Variants in ST6GALNAC6 observed in about 807,000 individuals in gnomAD.
ST6GALNAC6 encodes alpha-N-acetylgalactosaminide alpha-2,6-sialyltransferase 6.
ST6GALNAC6 carries 19 observed loss-of-function variants against 34.3 expected under a neutral mutation model. The observed-to-expected ratio is 0.55, with a 90% CI of 0.39 to 0.81. The LOEUF (loss-of-function observed/expected upper bound fraction) is 0.81, where lower values mean the gene tolerates loss of function less well. ST6GALNAC6 is among the 40% of genes least tolerant of loss of function. The pLI, the probability that ST6GALNAC6 is intolerant of heterozygous loss-of-function variation, is 0.00. For synonymous variants in ST6GALNAC6, 185 were observed against 182.1 expected (o/e 1.02, Z -0.13); for missense variants, 377 against 467.7 (o/e 0.81, Z 1.79).
chr9:127,896,336 C>A lies in ST6GALNAC6; in HGVS notation c.27-4G>T. On this transcript the variant is annotated splice_region_variant and splice_polypyrimidine_tract_variant and intron_variant, in intron 2 of 6. Transcript: ENST00000373146. ...GGGCAGGGATGTGGGTTCACACCTGCAAGCCACCAGAAAGGGTTATTATGG... is the reference window on the plus strand; with the variant it reads ...GGGCAGGGATGTGGGTTCACACCTGAAAGCCACCAGAAAGGGTTATTATGG... 6.2e-7 allele frequency: 1 copy of A among 1,607,784 alleles called. No individual in the cohort carries two copies. The highest frequency in any genetic ancestry group is 8.5e-7 in the Non-Finnish European group (1 of 1,176,906).
In ST6GALNAC6 at chr9:127,896,312, G is replaced by A; in HGVS notation, c.47C>T (p.Pro16Leu). 1 of 1,613,478 alleles carries A rather than the reference G, an allele frequency of 6.2e-7. No homozygotes were observed. Among genetic ancestry groups the A allele is most frequent in the Non-Finnish European group, 8.5e-7 (1 of 1,179,664 alleles). Residue 16 changes from proline to leucine, a missense_variant, in exon 3 of 7, where the codon CCC (proline) becomes CTC (leucine). Coordinates refer to ENST00000373146, the MANE Select transcript of ST6GALNAC6 (RefSeq NM_013443.5). ...PPSQCEPTSL[P>L]PGPPAGRRHL... Reference sequence around the variant, plus strand: ...TCGGCGTCCTGCAGGTGGCCCTGGGGGCAGGGATGTGGGTTCACACCTGCA... The same window carrying A: ...TCGGCGTCCTGCAGGTGGCCCTGGGAGCAGGGATGTGGGTTCACACCTGCA...
chr9:127,886,336 C>G lies in ST6GALNAC6; in HGVS notation c.*263G>C. 1.0e-6 allele frequency: 1 copy of G among 983,626 alleles called. No individual in the cohort carries two copies. The highest frequency in any genetic ancestry group is 1.4e-6 in the Non-Finnish European group (1 of 709,598). The allele number at this position is 983,626 out of a possible 1,614,324, so 60.9% of individuals were successfully genotyped here. On this transcript the variant is annotated 3_prime_UTR_variant, in exon 7 of 7. Transcript: ENST00000373146. ...TTAGCCTCAGATTGACTCAGAAATA[C>G]CCCCTCTACCCTGATTGACTGTGCG...
At chr9:127,891,074 G>C (rs77105665) in intron 4 of ST6GALNAC6, 31 bp from the exon 5 acceptor site, 3 of 1,607,760 alleles carry the variant, frequency 1.9e-6, no homozygotes, top group Non-Finnish European at 2.5e-6. Context: ...ACATTATCAC[G>C]GCCACTCTGT....
upstream of ST6GALNAC6, among the ~76,000 whole-genome samples, chr9:127,900,597 GGTCA>G (rs997211663): frequency 8.9e-5 from 13 of 145,996 alleles, no homozygotes; most frequent in African/African-American, 3.3e-4. Context: ...GAAGGATGCA[GGTCA>G]GTATGTCTTG....
chr9:127,904,711 T>G (rs1322435478), intron 1 of ST6GALNAC6: 1 of 152,344 alleles, frequency 6.6e-6, no homozygotes, highest in Admixed American at 6.5e-5. Flanking sequence ...AGGAGAGGCC[T>G]GTGAGAGTGG....
Position 127,890,054 on chromosome 9 carries a change from C to G in ST6GALNAC6, c.704+583G>C, listed in dbSNP as rs1412352109. Among the ~76,000 whole-genome samples, 4 of 152,212 alleles carry G rather than the reference C, an allele frequency of 2.6e-5. No homozygotes were observed. Among genetic ancestry groups the G allele is most frequent in the Non-Finnish European group, 5.9e-5 (4 of 68,044 alleles). On this transcript the variant is annotated intron_variant, in intron 5 of 6. Coordinates refer to ENST00000373146, the MANE Select transcript of ST6GALNAC6 (RefSeq NM_013443.5). The surrounding 1 kb of genome is among the most constrained non-coding windows in gnomAD (Gnocchi z 4.3). ...TCAAGTCATCCTCCTGCCTCAGCCTCCTGAGTAGCTAGGACTACAGGTACA... is the reference window on the plus strand; with the variant it reads ...TCAAGTCATCCTCCTGCCTCAGCCTGCTGAGTAGCTAGGACTACAGGTACA...
At chr9:127,891,568 A>G (rs1347840549) in intron 4 of ST6GALNAC6, among the ~76,000 whole-genome samples, 1 of 151,490 alleles carries the variant, frequency 6.6e-6, no homozygotes, top group African/African-American at 2.4e-5. Flanking sequence ...GTGAACCTAG[A>G]TCGTGCCACT....
At chr9:127,897,404 T>G (rs1368231722) in intron 2 of ST6GALNAC6, 1 of 986,268 alleles carries the variant, frequency 1.0e-6, no homozygotes, top group Non-Finnish European at 1.2e-6. Flanking sequence ...CCACCAGGAA[T>G]AGCCAGAGAA....
rs542398583 is a variant in ST6GALNAC6 at position 127,890,296 on chromosome 9, C to A, written c.704+341G>T. ...CAAGACATGCTGGGAACAGTCAAGA[C>A]TTTACATTGGGTACACTATGGGGAG... On this transcript the variant is annotated intron_variant, in intron 5 of 6. Transcript: ENST00000373146. The surrounding 1 kb of genome is among the most constrained non-coding windows in gnomAD (Gnocchi z 4.3). Among the ~76,000 whole-genome samples the A allele has an allele frequency of 2.6e-5, 4 of 152,274 alleles. No homozygotes were observed. In the East Asian group the frequency reaches 7.7e-4, roughly 29 times the overall value.
Position 127,890,616 on chromosome 9 carries a change from G to GGGCA in ST6GALNAC6, c.704+17_704+20dup. The GGGCA allele has an allele frequency of 6.2e-7, 1 of 1,612,902 alleles. No homozygotes were observed. Among genetic ancestry groups the GGGCA allele is most frequent in the Non-Finnish European group, 8.5e-7 (1 of 1,179,950 alleles). ...GAAGGAGCACAGTGCTGGCCAGAGG[G>GGGCA]GGCAGGCAGGAGGCTGGTACCTGTC... is the stretch of plus-strand genomic sequence containing the variant. On this transcript the variant is annotated intron_variant, in intron 5 of 6. Coordinates refer to ENST00000373146, the MANE Select transcript of ST6GALNAC6 (RefSeq NM_013443.5). The surrounding 1 kb of genome is among the most constrained non-coding windows in gnomAD (Gnocchi z 4.3).
upstream of ST6GALNAC6, chr9:127,903,800 C>A (rs1437058009): frequency 6.8e-6 from 1 of 146,070 alleles, no homozygotes; most frequent in African/African-American, 2.5e-5. Flanking sequence ...GAGCCTCTAG[C>A]CCAAGGCCAC....
chr9:127,900,678 G>A (rs1020780935), upstream of ST6GALNAC6, among the ~76,000 whole-genome samples: 1 of 151,050 alleles, frequency 6.6e-6, no homozygotes, highest in African/African-American at 2.4e-5. Flanking sequence ...AGAACTGCCA[G>A]CCAGGCCCAG....
chr9:127,897,615 C>T (rs929918675), intron 2 of ST6GALNAC6, among the ~76,000 whole-genome samples: 1 of 152,148 alleles, frequency 6.6e-6, no homozygotes, highest in Non-Finnish European at 1.5e-5. Flanking sequence ...CGGTACAGAG[C>T]AGAAAACGGG....
chr9:127,887,476 G>C lies in ST6GALNAC6; in HGVS notation c.812+8C>G, dbSNP rs1432426492. ...TGTCCTGGGAGGGCGCTGGCAAGGA[G>C]GGCTCACCTGCAGTAGTTGGGGGGG... On this transcript the variant is annotated splice_region_variant and intron_variant, in intron 6 of 6. Coordinates refer to ENST00000373146, the MANE Select transcript of ST6GALNAC6 (RefSeq NM_013443.5). 2 of 1,607,570 alleles carry C rather than the reference G, an allele frequency of 1.2e-6. No individual in the cohort carries two copies. The highest frequency in any genetic ancestry group is 2.2e-5 in the East Asian group (1 of 44,720).
intron 4 of ST6GALNAC6, among the ~76,000 whole-genome samples, chr9:127,894,236 A>G (rs1436257347): frequency 6.6e-6 from 1 of 152,238 alleles, no homozygotes; most frequent in Non-Finnish European, 1.5e-5. Flanking sequence ...TGGGCTCCCC[A>G]GCAGAGACAG....
Position 127,899,524 on chromosome 9 carries a change from C to A in ST6GALNAC6, c.-51G>T, listed in dbSNP as rs1396575784. ...TCACCTCCGGCGGGGAGCGCCCGGCCCCCCGCGGCCCCCGAGCCCCCTCAC... is the reference window on the plus strand; with the variant it reads ...TCACCTCCGGCGGGGAGCGCCCGGCACCCCGCGGCCCCCGAGCCCCCTCAC... On this transcript the variant is annotated 5_prime_UTR_variant, in exon 1 of 7. Coordinates refer to ENST00000373146, the MANE Select transcript of ST6GALNAC6 (RefSeq NM_013443.5). 6 of 980,732 alleles carry A rather than the reference C, an allele frequency of 6.1e-6. No homozygotes were observed. The highest frequency in any genetic ancestry group is 7.2e-6 in the Non-Finnish European group (6 of 827,944). The allele number at this position is 980,732 out of a possible 1,614,324, so 60.8% of individuals were successfully genotyped here. A position where few individuals can be genotyped will look rare whatever the true frequency, so the allele number is the denominator to read the frequency against.
intron 3 of ST6GALNAC6, 109 bp from the exon 4 acceptor site, chr9:127,894,800 G>T: frequency 1.6e-6 from 2 of 1,267,230 alleles, no homozygotes; most frequent in Non-Finnish European, 1.1e-6. Context: ...TTGCAGACCA[G>T]GTCAGGCACT....
chr9:127,896,948 TG>T (rs1172460604), intron 2 of ST6GALNAC6: 1 of 985,038 alleles, frequency 1.0e-6, no homozygotes, highest in Non-Finnish European at 1.2e-6. Flanking sequence ...AATGAATTAG[TG>T]CATTAACAAG....
rs1829752371 is a variant in ST6GALNAC6, at chr9:127,886,365, A to G, written c.*234T>C. On this transcript the variant is annotated 3_prime_UTR_variant, in exon 7 of 7. Transcript: ENST00000373146. Reference sequence around the variant, plus strand: ...CTCTACCCTGATTGACTGTGCGCAGACCCTGACTGCACAAGAAAGACACCC... The same window carrying G: ...CTCTACCCTGATTGACTGTGCGCAGGCCCTGACTGCACAAGAAAGACACCC... 3.9e-6 allele frequency: 5 copies of G among 1,266,032 alleles called. No individual in the cohort carries two copies. The highest frequency in any genetic ancestry group is 5.3e-6 in the Non-Finnish European group (5 of 945,176). The allele number at this position is 1,266,032 out of a possible 1,614,324, so 78.4% of individuals were successfully genotyped here.
Sources: allele counts gnomAD v4.1 joint callset (sites outside exome capture counted in the v4.1 genomes callset), GRCh38; gene constraint gnomAD v4.1.1; non-coding constraint Gnocchi (gnomAD v3.1); transcripts MANE v1.5; gene names NCBI Gene and HGNC (gene_info 2026-07-23, HGNC 2026-07-21).